The following NALF1 variants were observed in gnomAD, a reference collection of about 807,000 sequenced individuals.
NALF1 encodes the protein NALCN channel auxiliary factor 1.
A neutral mutation model predicts 48.4 loss-of-function variants in NALF1; 3 were observed. The ratio of observed to expected loss-of-function variants is 0.06; its 90% CI spans 0.03 to 0.16. The LOEUF is 0.16. NALF1 is among the 10% of genes least tolerant of loss of function. The probability of loss-of-function intolerance (pLI) is 1.00; values close to 1 mark genes in which losing one functional copy is unlikely to be tolerated. For synonymous variants in NALF1, 262 were observed against 245.7 expected (o/e 1.07, Z -0.62); for missense variants, 526 against 571.5 (o/e 0.92, Z 0.81).
chr13:107,795,509 G>T (rs946746414), intron 1 of NALF1, among the ~76,000 whole-genome samples: 34 of 152,128 alleles, frequency 2.2e-4, no homozygotes, highest in African/African-American at 6.7e-4. Context: ...AACAAGTTAG[G>T]TCCAAATTGC....
At chr13:107,634,999 C>T (rs890396555) in intron 1 of NALF1, among the ~76,000 whole-genome samples, 2 of 152,072 alleles carry the variant, frequency 1.3e-5, no homozygotes, top group Non-Finnish European at 2.9e-5. Flanking sequence ...TTGTAAATTA[C>T]CTTTTCTACT....
chr13:107,485,392 T>C (rs1885313951), intron 1 of NALF1, among the ~76,000 whole-genome samples: 1 of 152,168 alleles, frequency 6.6e-6, no homozygotes, highest in Admixed American at 6.5e-5. Flanking sequence ...GTTTCAGACT[T>C]ATGCAATGAC....
chr13:107,669,479 T>C (rs1880940227), intron 1 of NALF1, among the ~76,000 whole-genome samples: 1 of 152,116 alleles, frequency 6.6e-6, no homozygotes, highest in Non-Finnish European at 1.5e-5. Flanking sequence ...ACCAATTCAA[T>C]ACAACATAAA....
chr13:107,263,236 C>T (rs555752238), intron 1 of NALF1, among the ~76,000 whole-genome samples: 2 of 137,878 alleles, frequency 1.5e-5, no homozygotes, highest in South Asian at 2.3e-4. Flanking sequence ...CAACACCCCA[C>T]AAAATGCTAA....
chr13:107,605,680 C>T (rs1028298833), intron 1 of NALF1, among the ~76,000 whole-genome samples: 1 of 152,116 alleles, frequency 6.6e-6, no homozygotes, highest in Non-Finnish European at 1.5e-5. Flanking sequence ...GTTCTATAGC[C>T]TAAAAATGTG....
intron 1 of NALF1, among the ~76,000 whole-genome samples, chr13:107,570,568 A>ATTTG: frequency 1.2e-5 from 1 of 80,328 alleles, no homozygotes; most frequent in Non-Finnish European, 2.8e-5. Context: ...TCTTTTATTT[A>ATTTG]TTTATTTATT....
intron 1 of NALF1, among the ~76,000 whole-genome samples, chr13:107,366,351 T>C (rs1677640425): frequency 6.6e-6 from 1 of 152,204 alleles, no homozygotes; most frequent in Non-Finnish European, 1.5e-5. Flanking sequence ...TTATAATCAC[T>C]TTGGCTTTAT....
intron 1 of NALF1, among the ~76,000 whole-genome samples, chr13:107,245,211 T>G (rs1344935580): frequency 6.6e-6 from 1 of 152,208 alleles, no homozygotes; most frequent in Non-Finnish European, 1.5e-5. Context: ...TTGCTTTATT[T>G]AATGATAATA....
chr13:107,804,402 G>A (rs1878711347), intron 1 of NALF1, among the ~76,000 whole-genome samples: 1 of 143,700 alleles, frequency 7.0e-6, no homozygotes, highest in Admixed American at 6.9e-5. Context: ...GAGCTCAGAG[G>A]CCATTTTTTT....
chr13:107,674,892 G>A (rs915104479), intron 1 of NALF1, among the ~76,000 whole-genome samples: 6 of 152,124 alleles, frequency 3.9e-5, no homozygotes, highest in East Asian at 1.9e-4. Context: ...CCTCCCCAGC[G>A]ACTCAAAGGT....
rs531157351 is a variant in NALF1, at chr13:107,534,968, C to T, written c.916-324213G>A. ...CAAAGCTTTTAAGCATCCAGATCAGCCATTTTTAAAGGAGTGTTTCTGTTA... is the reference window on the plus strand; with the variant it reads ...CAAAGCTTTTAAGCATCCAGATCAGTCATTTTTAAAGGAGTGTTTCTGTTA... On this transcript the variant is annotated intron_variant, in intron 1 of 2. Transcript: ENST00000375915. Among the ~76,000 whole-genome samples the T allele has an allele frequency of 1.9e-3, 282 of 152,190 alleles. 1 individual carries two copies. The highest frequency in any genetic ancestry group is 1.9e-3 in the Non-Finnish European group (131 of 67,988).
At chr13:107,714,626 T>TAAAAAAAAAAAAA (rs10633995) in intron 1 of NALF1, among the ~76,000 whole-genome samples, 9 of 126,410 alleles carry the variant, frequency 7.1e-5, no homozygotes, top group Non-Finnish European at 1.3e-4. Flanking sequence ...GAGGCTTTAT[T>TAAAAAAAAAAAAA]AAAAAAAAAA....
At chr13:107,761,739 C>T (rs1354376756) in intron 1 of NALF1, among the ~76,000 whole-genome samples, 4 of 152,146 alleles carry the variant, frequency 2.6e-5, no homozygotes, top group Admixed American at 6.5e-5. Flanking sequence ...ACACATCAAA[C>T]AATATTTCAT....
chr13:107,712,823 G>T (rs74112580), intron 1 of NALF1, among the ~76,000 whole-genome samples: 1 of 152,186 alleles, frequency 6.6e-6, no homozygotes, highest in East Asian at 1.9e-4. Flanking sequence ...CATAACAGCT[G>T]CAGTGGTTTG....
chr13:107,588,317 T>C (rs58187619), intron 1 of NALF1, among the ~76,000 whole-genome samples: 6,470 of 152,112 alleles, frequency 0.043, 229 homozygotes, highest in African/African-American at 0.1. Context: ...CCATGTGATG[T>C]AGAATTGAAC....
intron 1 of NALF1, among the ~76,000 whole-genome samples, chr13:107,659,141 A>ACACACACACACG (rs1172547643): frequency 1.3e-5 from 2 of 151,596 alleles, no homozygotes; most frequent in African/African-American, 4.9e-5. Context: ...ACACACACAC[A>ACACACACACACG]CACGCACTCA....
chr13:107,783,490 G>T (rs61966055), intron 1 of NALF1, among the ~76,000 whole-genome samples: 23,659 of 152,052 alleles, frequency 0.16, 2,209 homozygotes, highest in Admixed American at 0.27. Context: ...AAGTAGACAT[G>T]GGAGACTTTT....
At chr13:107,356,026 C>A (rs973346646) in intron 1 of NALF1, among the ~76,000 whole-genome samples, 5 of 152,152 alleles carry the variant, frequency 3.3e-5, no homozygotes, top group African/African-American at 1.2e-4. Context: ...GCTGTCTTTA[C>A]TATGTCAAGT....
In NALF1 at chr13:107,170,362, T is replaced by G; in HGVS notation, c.*135A>C. On this transcript the variant is annotated 3_prime_UTR_variant, in exon 3 of 3. Transcript: ENST00000375915. ...GTGTCCTTGTTTGGATTCAGGCCCA[T>G]CTGTTTAAATTTTACCCTAAAGGCC... 1 of 760,866 alleles carries G rather than the reference T, an allele frequency of 1.3e-6. No individual in the cohort carries two copies. Among genetic ancestry groups the G allele is most frequent in the Non-Finnish European group, 2.1e-6 (1 of 482,952 alleles). 47.1% of individuals were successfully genotyped at this position (760,866 alleles called of 1,614,324 possible).
Sources: gnomAD v4.1 joint callset for allele counts (sites outside exome capture counted in the v4.1 genomes callset) on GRCh38, gnomAD v4.1.1 for gene constraint, MANE v1.5 for transcripts, NCBI Gene and HGNC (gene_info 2026-07-23, HGNC 2026-07-21) for gene names.